Variants in HDLBP observed in about 807,000 individuals in gnomAD.
HDLBP encodes high density lipoprotein binding protein.
Under a neutral mutation model 137.3 loss-of-function variants are expected in HDLBP, and 30 were observed. The ratio of observed to expected loss-of-function variants is 0.22; its 90% CI spans 0.16 to 0.30. The LOEUF (loss-of-function observed/expected upper bound fraction) is 0.30. Among genes scored for constraint, HDLBP ranks in the 10% least tolerant of loss-of-function variants. HDLBP has a pLI of 1.00. For missense variants in HDLBP, 1,119 were observed against 1,667.3 expected, an observed-to-expected ratio of 0.67 and a Z score of 5.73; for synonymous variants, 606 against 596.0, an observed-to-expected ratio of 1.02 and a Z score of -0.24.
intron 1 of HDLBP, among the ~76,000 whole-genome samples, chr2:241,306,807 G>A (rs958212246): frequency 2.6e-5 from 4 of 151,332 alleles, no homozygotes; most frequent in Admixed American, 2.6e-4. Context: ...GCTTGAACCC[G>A]GGAGGCGGAA....
At chr2:241,311,125 CAAAAG>C (rs1184829698) in intron 1 of HDLBP, among the ~76,000 whole-genome samples, 5 of 150,462 alleles carry the variant, frequency 3.3e-5, no homozygotes, top group Non-Finnish European at 5.9e-5. Flanking sequence ...CAAAAAAAAA[CAAAAG>C]AAAGAAAGAA....
intron 5 of HDLBP, among the ~76,000 whole-genome samples, chr2:241,260,202 C>T (rs1258198739): frequency 1.3e-5 from 2 of 151,786 alleles, no homozygotes; most frequent in Non-Finnish European, 2.9e-5. Flanking sequence ...GATGGGGTTT[C>T]GCCATACTGG....
At chr2:241,267,596 T>C (rs1275068428) in intron 2 of HDLBP, 27 of 1,535,624 alleles carry the variant, frequency 1.8e-5, no homozygotes, top group South Asian at 4.8e-5. Context: ...GCTTACAAAA[T>C]GCATCATGAC....
chr2:241,260,130 A>G (rs2073035348), intron 5 of HDLBP, among the ~76,000 whole-genome samples: 1 of 152,036 alleles, frequency 6.6e-6, no homozygotes, highest in Non-Finnish European at 1.5e-5. Context: ...CAGCCTCCCA[A>G]GTAGCTGAGA....
rs1002176290 is a variant in HDLBP, at chr2:241,228,104, A to G, written c.*1497T>C. The stretch of plus-strand genomic sequence containing the variant: ...AAGATGACCAAGCTTGAGTTATTCA[A>G]CTGAGAGTGAGGTGTCAAGGCGGAA... On this transcript the variant is annotated 3_prime_UTR_variant, in exon 28 of 28. Transcript: ENST00000310931. 2.6e-5 allele frequency: 4 copies of G among 152,206 alleles called. No homozygotes were observed. Among genetic ancestry groups the G allele is most frequent in the Admixed American group, 1.3e-4 (2 of 15,278 alleles). The allele number at this position is 152,206 out of a possible 1,614,324, so 9.4% of individuals were successfully genotyped here. A position where few individuals can be genotyped will look rare whatever the true frequency, so the allele number is the denominator to read the frequency against.
intron 3 of HDLBP, chr2:241,266,511 G>A: frequency 2.6e-6 from 1 of 383,640 alleles, no homozygotes; most frequent in Non-Finnish European, 4.8e-6. Context: ...GGAAAAAGCA[G>A]TTTTGAAAAG....
rs964196533 is a variant in HDLBP at position 241,272,311 on chromosome 2, C to T, written c.-102-3770G>A. ...ACCCCCACCCTGGCCGCACACGGCG[C>T]CCCCGCCGGAGCGGGGGAGGGGAGG... On this transcript the variant is annotated intron_variant, in intron 1 of 27. Coordinates refer to ENST00000310931, the MANE Select transcript of HDLBP (RefSeq NM_005336.6). This position sits in a 1 kb window ranked among gnomAD's most constrained non-coding sequence, Gnocchi z 5.6. 5.1e-6 allele frequency: 5 copies of T among 983,072 alleles called. 1 individual carries two copies. In the Admixed American group the frequency reaches 3.1e-4, roughly 61 times the overall value. The allele number at this position is 983,072 out of a possible 1,614,324, so 60.9% of individuals were successfully genotyped here.
intron 2 of HDLBP, chr2:241,267,520 C>T (rs1232945941): frequency 5.4e-6 from 8 of 1,485,870 alleles, no homozygotes; most frequent in Middle Eastern, 3.4e-4. Context: ...TAGATCAACA[C>T]CAGGATCGTT....
chr2:241,312,715 G>C (rs992095465), intron 1 of HDLBP, among the ~76,000 whole-genome samples: 7 of 152,304 alleles, frequency 4.6e-5, no homozygotes, highest in African/African-American at 1.7e-4. Flanking sequence ...CAATGAACGG[G>C]CCATACCAAA....
chr2:241,231,929 A>G (rs1026939209), intron 24 of HDLBP, among the ~76,000 whole-genome samples: 1 of 151,778 alleles, frequency 6.6e-6, no homozygotes, highest in African/African-American at 2.4e-5. Flanking sequence ...ACTAGAGGAC[A>G]GGGACAAATC....
At chr2:241,249,426 G>A (rs1423517087) in intron 12 of HDLBP, 2 of 477,984 alleles carry the variant, frequency 4.2e-6, no homozygotes, top group Non-Finnish European at 8.6e-6. Context: ...GCAGTGCAGT[G>A]CTTCTGCCAG....
At chr2:241,236,553 C>T in intron 21 of HDLBP, 62 bp downstream of exon 21, 1 of 1,560,764 alleles carries the variant, frequency 6.4e-7, no homozygotes, top group Non-Finnish European at 8.8e-7. Flanking sequence ...GGCCACGCGT[C>T]TCCCCAGGTG....
intron 20 of HDLBP, among the ~76,000 whole-genome samples, chr2:241,237,067 G>C (rs917991779): frequency 6.7e-6 from 1 of 150,124 alleles, no homozygotes; most frequent in African/African-American, 2.5e-5. Flanking sequence ...GAAGCTAACA[G>C]CAACTAACTA....
intron 11 of HDLBP, among the ~76,000 whole-genome samples, chr2:241,251,327 T>C (rs2072141156): frequency 6.6e-6 from 1 of 152,094 alleles, no homozygotes; most frequent in Admixed American, 6.5e-5. Flanking sequence ...GTATGTGTGG[T>C]TCAAGTAGTG....
rs552962321 is a variant in HDLBP, at chr2:241,306,698, AG to A, written c.-103+8871del. On this transcript the variant is annotated intron_variant, in intron 1 of 27. Transcript: ENST00000310931. ...CGAGGCTGGCAGATCATTTGAGGTC[AG>A]GAATTCGAGACCAGCCTGGCCAACA... Among the ~76,000 whole-genome samples, 17 of 151,740 alleles carry A rather than the reference AG, an allele frequency of 1.1e-4. 1 individual carries two copies. In the South Asian group the frequency reaches 3.6e-3, roughly 32 times the overall value.
Position 241,230,269 on chromosome 2 carries a change from C to T in HDLBP, c.3475G>A (p.Val1159Met). The stretch of plus-strand genomic sequence containing the variant: ...CCGCTCTGTGGGAAGCGAATGTCCA[C>T]CTGGAAGGGGTGTACAACGTCAGAT... ...AIRKIMDEFK[V>M]DIRFPQSGAP... is the part of the protein sequence containing the mutation. The change falls in exon 26 of 28, where the codon GTG becomes ATG. Residue 1159 changes from valine (V) to methionine (M), a missense_variant and splice_region_variant. Around this residue, in one of 4 missense-constraint regions of HDLBP, gnomAD observed 618 missense variants for 816.7 expected, o/e 0.76. Coordinates refer to ENST00000310931, the MANE Select transcript of HDLBP (RefSeq NM_005336.6). This position sits in a 1 kb window ranked among gnomAD's most constrained non-coding sequence, Gnocchi z 5.0. 1 of 1,576,916 alleles carries T rather than the reference C, an allele frequency of 6.3e-7. No individual in the cohort carries two copies. Among genetic ancestry groups the T allele is most frequent in the Non-Finnish European group, 8.7e-7 (1 of 1,152,638 alleles).
intron 1 of HDLBP, among the ~76,000 whole-genome samples, chr2:241,308,292 G>C (rs1265152244): frequency 6.6e-6 from 1 of 152,200 alleles, no homozygotes; most frequent in Non-Finnish European, 1.5e-5. Flanking sequence ...AGCAACGCTT[G>C]TGAGACAAAG....
intron 1 of HDLBP, among the ~76,000 whole-genome samples, chr2:241,276,824 T>C (rs1380654946): frequency 3.3e-5 from 5 of 152,142 alleles, no homozygotes; most frequent in South Asian, 2.1e-4. Flanking sequence ...GAAATTGATA[T>C]ATCCAAGGTT....
chr2:241,293,159 G>A (rs1575034714), intron 1 of HDLBP, among the ~76,000 whole-genome samples: 1 of 141,598 alleles, frequency 7.1e-6, no homozygotes, highest in African/African-American at 2.7e-5. Context: ...AAGTCAAGAT[G>A]TAAAGTGAAA....
Sources: allele counts gnomAD v4.1 joint callset (sites outside exome capture counted in the v4.1 genomes callset), GRCh38; gene constraint gnomAD v4.1.1; regional missense constraint gnomAD v4.1.1; non-coding constraint Gnocchi (gnomAD v3.1); transcripts MANE v1.5; gene names NCBI Gene and HGNC (gene_info 2026-07-23, HGNC 2026-07-21).